The following PSMA1 variants were observed in gnomAD, a reference collection of about 807,000 sequenced individuals.
The protein encoded by PSMA1 is proteasome 20S subunit alpha 1.
In PSMA1, 3 loss-of-function variants were observed where a neutral mutation model predicts 38.4. The observed-to-expected ratio is 0.08, with a 90% confidence interval of 0.04 to 0.20. The LOEUF is 0.20. Among genes scored for constraint, PSMA1 ranks in the 10% least tolerant of loss-of-function variants. The pLI, the probability that PSMA1 is intolerant of heterozygous loss-of-function variation, is 1.00. For synonymous variants in PSMA1, 101 were observed against 107.1 expected, an observed-to-expected ratio of 0.94 and a Z score of 0.35; for missense variants, 227 against 325.3, an observed-to-expected ratio of 0.70 and a Z score of 2.32.
At chr11:14,576,070 G>A (rs1852210169) in intron 2 of PSMA1, among the ~76,000 whole-genome samples, 3 of 152,196 alleles carry the variant, frequency 2.0e-5, no homozygotes, top group African/African-American at 7.2e-5. Context: ...TTTGAGAAGT[G>A]TCTGTTCATA....
chr11:14,572,554 A>G (rs1223322130), intron 2 of PSMA1, among the ~76,000 whole-genome samples: 4 of 152,256 alleles, frequency 2.6e-5, no homozygotes, highest in African/African-American at 9.6e-5. Context: ...TGCCTGCAAG[A>G]GAAAGCAAGA....
At chr11:14,553,240 C>T (rs943192573) in intron 2 of PSMA1, among the ~76,000 whole-genome samples, 4 of 152,122 alleles carry the variant, frequency 2.6e-5, no homozygotes, top group Admixed American at 2.6e-4. Flanking sequence ...CCTGTTTCCC[C>T]CAATGGTAAC....
chr11:14,524,862 A>G (rs1197398120), upstream of PSMA1, among the ~76,000 whole-genome samples: 1 of 152,024 alleles, frequency 6.6e-6, no homozygotes, highest in Non-Finnish European at 1.5e-5. Flanking sequence ...AGACTATCCA[A>G]CTTGCCTGGC....
chr11:14,573,331 G>A lies in PSMA1; in HGVS notation c.21+37635C>T, dbSNP rs531316092. Among the ~76,000 whole-genome samples, 21 of 152,240 alleles carry A rather than the reference G, an allele frequency of 1.4e-4. No homozygotes were observed. The East Asian group carries it at 1.7e-3, about 13-fold the overall frequency. Reference sequence around the variant, plus strand: ...TATCCACCATGATCAAGGGGGCTTCGTCCCTGGGATGTAAGGCTGGCTCAA... The same window carrying A: ...TATCCACCATGATCAAGGGGGCTTCATCCCTGGGATGTAAGGCTGGCTCAA... On this transcript the variant is annotated intron_variant, in intron 2 of 10. Coordinates refer to the PSMA1 transcript ENST00000418988.
intron 1 of PSMA1, among the ~76,000 whole-genome samples, chr11:14,633,170 T>C (rs1386367242): frequency 4.6e-5 from 7 of 152,116 alleles, no homozygotes; most frequent in Non-Finnish European, 7.4e-5. Context: ...CTTTGTTCCA[T>C]TGCTGGTGAG....
At chr11:14,575,005 C>T (rs1419552506) in intron 2 of PSMA1, among the ~76,000 whole-genome samples, 1 of 152,176 alleles carries the variant, frequency 6.6e-6, no homozygotes, top group Admixed American at 6.5e-5. Context: ...AACTTTAGCA[C>T]TTCCTAGAGA....
intron 1 of PSMA1, among the ~76,000 whole-genome samples, chr11:14,642,501 G>A (rs973008023): frequency 6.6e-6 from 1 of 152,170 alleles, no homozygotes. Flanking sequence ...CTTTTGCTAT[G>A]CATGTGAACT....
At chr11:14,626,406 A>C (rs1852912197) in intron 1 of PSMA1, among the ~76,000 whole-genome samples, 1 of 152,204 alleles carries the variant, frequency 6.6e-6, no homozygotes, top group Admixed American at 6.5e-5. Flanking sequence ...GTTTTGGCAC[A>C]TCTCTTAAAT....
At chr11:14,528,107 A>C (rs1851606440) in intron 2 of PSMA1, among the ~76,000 whole-genome samples, 1 of 152,102 alleles carries the variant, frequency 6.6e-6, no homozygotes, top group African/African-American at 2.4e-5. Context: ...TACTAAAAAA[A>C]AAAAGGGGGA....
chr11:14,563,529 C>A (rs1348299295), intron 2 of PSMA1, among the ~76,000 whole-genome samples: 1 of 152,176 alleles, frequency 6.6e-6, no homozygotes, highest in Non-Finnish European at 1.5e-5. Context: ...CTATTGGTTT[C>A]TATGGTATTA....
intron 2 of PSMA1, among the ~76,000 whole-genome samples, chr11:14,575,073 C>A (rs1311163467): frequency 6.6e-6 from 1 of 152,070 alleles, no homozygotes; most frequent in Non-Finnish European, 1.5e-5. Flanking sequence ...AAGTCCCAGG[C>A]TGCGGTGATC....
chr11:14,594,205 A>G (rs1223312331), intron 2 of PSMA1, among the ~76,000 whole-genome samples: 5 of 152,212 alleles, frequency 3.3e-5, no homozygotes, highest in African/African-American at 1.2e-4. Context: ...TTATTATTAA[A>G]GCAATTTTCT....
chr11:14,580,264 G>A (rs1217427741), intron 2 of PSMA1, among the ~76,000 whole-genome samples: 2 of 152,116 alleles, frequency 1.3e-5, no homozygotes, highest in East Asian at 3.9e-4. Context: ...CTCAAAGACT[G>A]TCTGCTCCTG....
At chr11:14,600,458 C>T (rs1261473746) in intron 2 of PSMA1, among the ~76,000 whole-genome samples, 1 of 152,188 alleles carries the variant, frequency 6.6e-6, no homozygotes, top group Non-Finnish European at 1.5e-5. Context: ...TGGTGGATGC[C>T]CCTCCCCGAG....
At chr11:14,543,305 C>G (rs574285240) in intron 2 of PSMA1, among the ~76,000 whole-genome samples, 1 of 152,134 alleles carries the variant, frequency 6.6e-6, no homozygotes, top group Admixed American at 6.5e-5. Flanking sequence ...CAAATCCAGT[C>G]TGGACTACAT....
intron 2 of PSMA1, among the ~76,000 whole-genome samples, chr11:14,592,377 T>TCTCTCTCTAC (rs1491406982): frequency 1.4e-5 from 1 of 69,810 alleles, no homozygotes; most frequent in Non-Finnish European, 3.0e-5. Flanking sequence ...TCTCTCTCTC[T>TCTCTCTCTAC]ATATATATAT....
intron 2 of PSMA1, among the ~76,000 whole-genome samples, chr11:14,579,336 C>T (rs572577835): frequency 2.0e-5 from 3 of 152,258 alleles, no homozygotes; most frequent in East Asian, 1.9e-4. Context: ...AGCTACGTAA[C>T]GGCGATCTCT....
At chr11:14,617,806 A>G (rs1185157880) in intron 1 of PSMA1, among the ~76,000 whole-genome samples, 1 of 151,846 alleles carries the variant, frequency 6.6e-6, no homozygotes, top group Non-Finnish European at 1.5e-5. Context: ...CTGAAACTGG[A>G]ATCAGGAGAG....
chr11:14,603,546 A>G (rs1338851347), intron 2 of PSMA1, among the ~76,000 whole-genome samples: 1 of 152,204 alleles, frequency 6.6e-6, no homozygotes, highest in African/African-American at 2.4e-5. Context: ...TGTGTGTCAC[A>G]GTGTTTTGTG....
Sources: allele counts gnomAD v4.1 joint callset (sites outside exome capture counted in the v4.1 genomes callset), GRCh38; gene constraint gnomAD v4.1.1; transcripts MANE v1.5; gene names NCBI Gene and HGNC (gene_info 2026-07-23, HGNC 2026-07-21).